The following FGGY variants were observed in gnomAD, a reference collection of about 807,000 sequenced individuals.
FGGY encodes the protein FGGY carbohydrate kinase domain-containing protein.
FGGY carries 72 observed loss-of-function variants against 71.3 expected under a neutral mutation model. That is an observed-to-expected ratio of 1.01 (90% confidence interval 0.84 to 1.23). The LOEUF (loss-of-function observed/expected upper bound fraction) is 1.23, where lower values mean the gene tolerates loss of function less well. Among genes scored for constraint, FGGY ranks in the 50% most tolerant of loss-of-function variants. FGGY has a pLI of 0.00. For synonymous variants in FGGY, 251 were observed against 250.3 expected (o/e 1.00, Z -0.02); for missense variants, 668 against 682.3 (o/e 0.98, Z 0.23).
At chr1:59,750,900 G>A (rs1470154591) in intron 14 of FGGY, among the ~76,000 whole-genome samples, 1 of 125,192 alleles carries the variant, frequency 8.0e-6, no homozygotes, top group African/African-American at 2.6e-5. Flanking sequence ...CTATGTGTCA[G>A]CATCTGTAAA....
Position 59,716,224 on chromosome 1 carries a change from A to G in FGGY, c.1513-41707A>G, listed in dbSNP as rs1349284736. Among the ~76,000 whole-genome samples, 5 of 152,358 alleles carry G rather than the reference A, an allele frequency of 3.3e-5. No homozygotes were observed. In the South Asian group the frequency reaches 8.3e-4, roughly 25 times the overall value. On this transcript the variant is annotated intron_variant, in intron 14 of 15. Transcript: ENST00000303721. ...ATATAATATATATGAAATGCCTAGC[A>G]TAGTACCTAGCACACAGGAGATACT...
At chr1:59,588,313 T>A (rs902732853) in intron 8 of FGGY, among the ~76,000 whole-genome samples, 1 of 151,970 alleles carries the variant, frequency 6.6e-6, no homozygotes, top group Non-Finnish European at 1.5e-5. Flanking sequence ...CAAATCTACG[T>A]CTGATTGGTG....
At chr1:59,657,735 CA>C (rs911987793) in intron 11 of FGGY, among the ~76,000 whole-genome samples, 4 of 152,176 alleles carry the variant, frequency 2.6e-5, no homozygotes, top group Non-Finnish European at 4.4e-5. Flanking sequence ...GTGCCTTTTT[CA>C]AACTCAAGAC....
chr1:59,416,598 A>T (rs1004617333), intron 5 of FGGY, among the ~76,000 whole-genome samples: 4 of 152,218 alleles, frequency 2.6e-5, no homozygotes, highest in Non-Finnish European at 5.9e-5. Context: ...AGATGATTTG[A>T]CCATGTCACC....
At chr1:59,563,101 CTGA>C (rs1375630063) in intron 8 of FGGY, among the ~76,000 whole-genome samples, 6 of 152,032 alleles carry the variant, frequency 3.9e-5, no homozygotes, top group Non-Finnish European at 8.8e-5. Flanking sequence ...TTTCTCTTGC[CTGA>C]TTGCCCTGGC....
intron 9 of FGGY, among the ~76,000 whole-genome samples, chr1:59,625,019 C>G (rs1010178990): frequency 3.3e-5 from 5 of 152,182 alleles, no homozygotes; most frequent in Non-Finnish European, 7.4e-5. Flanking sequence ...GTCTCCTGAA[C>G]AAATTATCTT....
At chr1:59,527,661 C>T (rs1356195692) in intron 7 of FGGY, among the ~76,000 whole-genome samples, 1 of 152,198 alleles carries the variant, frequency 6.6e-6, no homozygotes, top group Admixed American at 6.5e-5. Flanking sequence ...ATGTTTGCAT[C>T]TTCATTTTGT....
At chr1:59,376,845 C>T (rs2058716677) in intron 4 of FGGY, among the ~76,000 whole-genome samples, 1 of 152,156 alleles carries the variant, frequency 6.6e-6, no homozygotes, top group African/African-American at 2.4e-5. Context: ...GGTAGGAAAC[C>T]TTTCTTGCTA....
chr1:59,508,274 A>T (rs541393143), intron 6 of FGGY, among the ~76,000 whole-genome samples: 1 of 152,202 alleles, frequency 6.6e-6, no homozygotes, highest in African/African-American at 2.4e-5. Flanking sequence ...TCTTTGTCCC[A>T]AACCACAATA....
At chr1:59,597,088 C>T (rs1287179388) in intron 8 of FGGY, among the ~76,000 whole-genome samples, 1 of 152,112 alleles carries the variant, frequency 6.6e-6, no homozygotes, top group Non-Finnish European at 1.5e-5. Context: ...TTTGCCTATT[C>T]AGTTTAGTCT....
At chr1:59,472,931 G>T (rs1572611338) in intron 6 of FGGY, among the ~76,000 whole-genome samples, 1 of 152,236 alleles carries the variant, frequency 6.6e-6, no homozygotes, top group Non-Finnish European at 1.5e-5. Flanking sequence ...CTCTGGTGGG[G>T]ACTTGGAGAA....
chr1:59,378,402 C>T (rs375811915), intron 4 of FGGY, among the ~76,000 whole-genome samples: 7 of 151,892 alleles, frequency 4.6e-5, no homozygotes, highest in East Asian at 1.9e-4. Flanking sequence ...CCCAGCCACG[C>T]GAAACTGTGA....
In FGGY at chr1:59,698,656, C is replaced by T. The variant is rs77663968; in HGVS notation, c.1512+24523C>T. 6.8e-3 allele frequency: 4,616 copies of T among 682,794 alleles called. 190 individuals are homozygous for T. In the African/African-American group the frequency reaches 0.083, roughly 12 times the overall value. The allele number at this position is 682,794 out of a possible 1,614,324, so 42.3% of individuals were successfully genotyped here. On this transcript the variant is annotated intron_variant, in intron 14 of 15. Coordinates refer to ENST00000303721, the MANE Select transcript of FGGY (RefSeq NM_018291.5). Reference sequence around the variant, plus strand: ...GGAATTTTTTTTTCTTGCTTCTGACCCACCTCTCCCCTTTCTTTTGATAAA... The same window carrying T: ...GGAATTTTTTTTTCTTGCTTCTGACTCACCTCTCCCCTTTCTTTTGATAAA...
At chr1:59,736,836 G>A (rs190777941) in intron 14 of FGGY, among the ~76,000 whole-genome samples, 7 of 152,316 alleles carry the variant, frequency 4.6e-5, no homozygotes, top group East Asian at 1.9e-4. Flanking sequence ...ACAAGGAGCC[G>A]AACGTTAATC....
intron 1 of FGGY, among the ~76,000 whole-genome samples, chr1:59,313,878 A>G (rs2044858271): frequency 6.6e-6 from 1 of 152,130 alleles, no homozygotes; most frequent in South Asian, 2.1e-4. Context: ...GGTGATGGGT[A>G]TATCCAGATC....
rs557612014 is a variant in FGGY, at chr1:59,584,504, T to C, written c.904-23299T>C. Among the ~76,000 whole-genome samples the C allele has an allele frequency of 5.3e-5, 8 of 150,120 alleles. 1 individual carries two copies. In the South Asian group the frequency reaches 1.7e-3, roughly 32 times the overall value. Reference sequence around the variant, plus strand: ...CTAAAAACTCTCAATAAATTAGGTATTGATGGGACGTATCTCAAAATAATA... The same window carrying C: ...CTAAAAACTCTCAATAAATTAGGTACTGATGGGACGTATCTCAAAATAATA... On this transcript the variant is annotated intron_variant, in intron 8 of 15. Transcript: ENST00000303721.
chr1:59,418,730 G>T (rs967909068), intron 5 of FGGY, among the ~76,000 whole-genome samples: 1 of 152,148 alleles, frequency 6.6e-6, no homozygotes, highest in African/African-American at 2.4e-5. Context: ...TTGTGTGTGT[G>T]TGTGTGACTC....
intron 14 of FGGY, among the ~76,000 whole-genome samples, chr1:59,756,237 C>T (rs938603627): frequency 3.9e-5 from 6 of 152,192 alleles, no homozygotes; most frequent in African/African-American, 1.4e-4. Flanking sequence ...CTCCTCCCTA[C>T]TTAAGGCTGC....
intron 14 of FGGY, chr1:59,698,834 C>T: frequency 1.0e-6 from 1 of 985,374 alleles, no homozygotes; most frequent in South Asian, 4.7e-5. Context: ...TGTGTGCCCA[C>T]AGCCAAGAGA....
Sources: gnomAD v4.1 joint callset for allele counts (sites outside exome capture counted in the v4.1 genomes callset) on GRCh38, gnomAD v4.1.1 for gene constraint, MANE v1.5 for transcripts, NCBI Gene and HGNC (gene_info 2026-07-23, HGNC 2026-07-21) for gene names.